Variants in PLPPR1 observed in about 807,000 individuals in gnomAD.
The protein encoded by PLPPR1 is phospholipid phosphatase related 1.
PLPPR1 carries 10 observed loss-of-function variants against 33.1 expected under a neutral mutation model. The observed-to-expected ratio is 0.30, with a 90% CI of 0.19 to 0.51. The LOEUF (loss-of-function observed/expected upper bound fraction) is 0.51, where lower values mean the gene tolerates loss of function less well. Among genes scored for constraint, PLPPR1 ranks in the 20% least tolerant of loss-of-function variants. PLPPR1 has a pLI of 0.97. For missense variants in PLPPR1, 304 were observed against 408.1 expected (o/e 0.74, Z 2.20); for synonymous variants, 151 against 151.0 (o/e 1.00, Z 0.00).
intron 2 of PLPPR1, among the ~76,000 whole-genome samples, chr9:101,237,019 G>C (rs949943459): frequency 1.3e-5 from 2 of 151,738 alleles, no homozygotes; most frequent in African/African-American, 4.8e-5. Flanking sequence ...GACAGGAACA[G>C]GTATTTTTCA....
chr9:101,135,140 G>A (rs886112020), intron 1 of PLPPR1, among the ~76,000 whole-genome samples: 2 of 152,146 alleles, frequency 1.3e-5, no homozygotes, highest in African/African-American at 2.4e-5. Flanking sequence ...AACCTGGACT[G>A]GGGAAATTAG....
At chr9:101,302,719 G>A (rs2118943915) in intron 4 of PLPPR1, among the ~76,000 whole-genome samples, 1 of 152,232 alleles carries the variant, frequency 6.6e-6, no homozygotes, top group Non-Finnish European at 1.5e-5. Context: ...GTACTTTTCT[G>A]TGTGGGATAA....
At chr9:101,169,555 G>A (rs1436402022) in intron 1 of PLPPR1, among the ~76,000 whole-genome samples, 1 of 151,922 alleles carries the variant, frequency 6.6e-6, no homozygotes, top group Non-Finnish European at 1.5e-5. Context: ...AACTGCTTCA[G>A]GTCACCTGCT....
chr9:101,164,144 A>T (rs1308558239), intron 1 of PLPPR1, among the ~76,000 whole-genome samples: 1 of 152,072 alleles, frequency 6.6e-6, no homozygotes, highest in South Asian at 2.1e-4. Flanking sequence ...ACAGAGAAGA[A>T]GTTGATGTGG....
intron 2 of PLPPR1, among the ~76,000 whole-genome samples, chr9:101,255,850 G>T (rs1257409444): frequency 4.6e-5 from 7 of 152,150 alleles, no homozygotes; most frequent in African/African-American, 1.7e-4. Context: ...TTCCCCAATA[G>T]TGCATCTATG....
At chr9:101,075,001 C>T (rs1437155896) in intron 1 of PLPPR1, among the ~76,000 whole-genome samples, 1 of 152,106 alleles carries the variant, frequency 6.6e-6, no homozygotes, top group Non-Finnish European at 1.5e-5. Context: ...TAAGCATCTC[C>T]TAAAAATAAA....
At chr9:101,281,376 A>G (rs1029385911) in intron 3 of PLPPR1, among the ~76,000 whole-genome samples, 5 of 152,222 alleles carry the variant, frequency 3.3e-5, no homozygotes, top group Admixed American at 3.3e-4. Context: ...TAAAAATACC[A>G]ACGATGTTCT....
intron 1 of PLPPR1, among the ~76,000 whole-genome samples, chr9:101,033,880 A>G (rs1369007236): frequency 6.6e-6 from 1 of 152,164 alleles, no homozygotes; most frequent in Non-Finnish European, 1.5e-5. Context: ...CCTTTCATCA[A>G]ATGTATAAAT....
intron 2 of PLPPR1, among the ~76,000 whole-genome samples, chr9:101,229,238 G>T (rs180817453): frequency 1.6e-3 from 243 of 152,224 alleles, no homozygotes; most frequent in Non-Finnish European, 5.4e-4. Context: ...ACAGTGCAGT[G>T]TGGTATTCAA....
In PLPPR1 at chr9:101,312,930, G is replaced by C. The variant is rs1189046666; in HGVS notation, c.769G>C (p.Val257Leu). 6.2e-7 allele frequency: 1 copy of C among 1,614,136 alleles called. No homozygotes were observed. Among genetic ancestry groups the C allele is most frequent in the Non-Finnish European group, 8.5e-7 (1 of 1,180,018 alleles). ...TGAGTATCGGAACCACTGCTCGGAC[G>C]TGATTGCTGGTTTCATCCTGGGCAC... The part of the protein sequence containing the change: ...VSEYRNHCSD[V>L]IAGFILGTAV... Residue 257 changes from valine to leucine, a missense_variant, in exon 6 of 8, where the codon GTG becomes CTG. Physicochemically the swap from Val to Leu is conservative, Grantham distance 32. Transcript: ENST00000374874.
chr9:101,079,399 C>A (rs986437298), intron 1 of PLPPR1, among the ~76,000 whole-genome samples: 1 of 152,132 alleles, frequency 6.6e-6, no homozygotes, highest in Non-Finnish European at 1.5e-5. Flanking sequence ...AAAGGATACA[C>A]AAGAGGGAAG....
At position 101,107,997 on chromosome 9, in the gene PLPPR1, C is replaced by T. The variant is rs529288547; in HGVS notation, c.-45-77453C>T. ...TTCCCAGGTGAGGCAATGCCTCGCC[C>T]TGCTTCGGCTCGCGCACGGTGCGCG... On this transcript the variant is annotated intron_variant, in intron 1 of 7. Transcript: ENST00000374874. Among the ~76,000 whole-genome samples the T allele has an allele frequency of 7.0e-3, 1,042 of 149,646 alleles. 15 individuals are homozygous for T. The highest frequency in any genetic ancestry group is 0.014 in the Middle Eastern group (4 of 290).
intron 1 of PLPPR1, among the ~76,000 whole-genome samples, chr9:101,036,238 A>ATG (rs1830007987): frequency 6.6e-6 from 1 of 152,144 alleles, no homozygotes; most frequent in South Asian, 2.1e-4. Context: ...CTGGTGTAAA[A>ATG]ATGCAGGAAC....
At chr9:101,146,278 G>A (rs886697647) in intron 1 of PLPPR1, among the ~76,000 whole-genome samples, 3 of 152,144 alleles carry the variant, frequency 2.0e-5, no homozygotes, top group Non-Finnish European at 4.4e-5. Flanking sequence ...GACTAGTTAG[G>A]CAGTTAGATT....
chr9:101,249,962 A>G (rs1433542781), intron 2 of PLPPR1, among the ~76,000 whole-genome samples: 1 of 152,054 alleles, frequency 6.6e-6, no homozygotes, highest in Non-Finnish European at 1.5e-5. Context: ...CACACCCAGT[A>G]CAGTAGTAGG....
intron 1 of PLPPR1, among the ~76,000 whole-genome samples, chr9:101,095,084 A>G (rs1475485427): frequency 6.6e-6 from 1 of 152,150 alleles, no homozygotes; most frequent in African/African-American, 2.4e-5. Flanking sequence ...ATAGTTGTCT[A>G]TCCCTTTCTC....
At chr9:101,072,175 C>A (rs1039203808) in intron 1 of PLPPR1, among the ~76,000 whole-genome samples, 8 of 152,024 alleles carry the variant, frequency 5.3e-5, no homozygotes, top group Non-Finnish European at 1.0e-4. Context: ...AAATGTTTGC[C>A]TCTCATTTTT....
At chr9:101,047,253 G>A (rs1830164499) in intron 1 of PLPPR1, among the ~76,000 whole-genome samples, 1 of 151,954 alleles carries the variant, frequency 6.6e-6, no homozygotes, top group Non-Finnish European at 1.5e-5. Flanking sequence ...AGGGATTTTT[G>A]CTCCTTCTAG....
intron 3 of PLPPR1, among the ~76,000 whole-genome samples, chr9:101,274,218 G>T (rs1477917449): frequency 2.0e-5 from 3 of 152,106 alleles, no homozygotes; most frequent in East Asian, 3.9e-4. Flanking sequence ...CATAAATGAT[G>T]GTCACAAGAA....
Sources: allele counts gnomAD v4.1 joint callset (sites outside exome capture counted in the v4.1 genomes callset), GRCh38; gene constraint gnomAD v4.1.1; transcripts MANE v1.5; gene names NCBI Gene and HGNC (gene_info 2026-07-23, HGNC 2026-07-21).